TNIK: variants seen among roughly 807,000 people sequenced by gnomAD.
The protein encoded by TNIK is TRAF2 and NCK interacting kinase.
TNIK carries 49 observed loss-of-function variants against 191.3 expected under a neutral mutation model. That is an observed-to-expected ratio of 0.26 (90% CI 0.20 to 0.32). The LOEUF is 0.32. Among genes scored for constraint, TNIK ranks in the 10% least tolerant of loss-of-function variants. The pLI is 1.00. For missense variants in TNIK, 1,155 were observed against 1,702.3 expected (o/e 0.68, Z 5.66); for synonymous variants, 594 against 600.9 (o/e 0.99, Z 0.17).
chr3:171,241,870 A>G (rs981085223), intron 2 of TNIK, among the ~76,000 whole-genome samples: 8 of 152,198 alleles, frequency 5.3e-5, no homozygotes, highest in African/African-American at 1.9e-4. Context: ...CTTTGTAGGG[A>G]CATGGATGAA....
intron 2 of TNIK, among the ~76,000 whole-genome samples, chr3:171,346,416 C>G (rs969998589): frequency 6.6e-6 from 1 of 152,100 alleles, no homozygotes; most frequent in African/African-American, 2.4e-5. Context: ...TTCATATACA[C>G]CTTGCGCATG....
chr3:171,190,015 T>C (rs7374969), intron 6 of TNIK, among the ~76,000 whole-genome samples: 149,197 of 152,318 alleles, frequency 0.98, 73,081 homozygotes, highest in East Asian at 1. Context: ...GGACAGCGAT[T>C]CTTTTCTAGA....
intron 9 of TNIK, among the ~76,000 whole-genome samples, chr3:171,171,612 C>T (rs1270972058): frequency 6.6e-6 from 1 of 152,170 alleles, no homozygotes; most frequent in African/African-American, 2.4e-5. Flanking sequence ...TTAAAGGGCA[C>T]ATGAAAGATT....
Position 171,211,101 on chromosome 3 carries a change from G to C in TNIK, c.306+15C>G. 4 of 1,604,358 alleles carry C rather than the reference G, an allele frequency of 2.5e-6. No individual in the cohort carries two copies. Among genetic ancestry groups the C allele is most frequent in the Non-Finnish European group, 3.4e-6 (4 of 1,177,504 alleles). ...TTTTTATGTAAATAAAGCAAATTTG[G>C]ACGGCAGTACATACCCAAAGTTGGT... is the stretch of plus-strand genomic sequence containing the variant. On this transcript the variant is annotated intron_variant, in intron 4 of 32. Coordinates refer to ENST00000436636, the MANE Select transcript of TNIK (RefSeq NM_015028.4).
At chr3:171,371,689 G>A (rs915888412) in intron 1 of TNIK, among the ~76,000 whole-genome samples, 5 of 152,090 alleles carry the variant, frequency 3.3e-5, no homozygotes, top group African/African-American at 4.8e-5. Flanking sequence ...CCTCAGGATC[G>A]GGAAGAAAAA....
intron 2 of TNIK, among the ~76,000 whole-genome samples, chr3:171,356,471 A>C (rs1011905070): frequency 6.6e-6 from 1 of 152,186 alleles, no homozygotes; most frequent in Non-Finnish European, 1.5e-5. Flanking sequence ...GCCATGAATC[A>C]CCTTTTAGTA....
intron 1 of TNIK, among the ~76,000 whole-genome samples, chr3:171,426,520 G>C (rs556049057): frequency 6.6e-6 from 1 of 151,968 alleles, no homozygotes; most frequent in South Asian, 2.1e-4. Context: ...AAACCTGCAC[G>C]TTGTGCACAT....
At chr3:171,267,030 C>T (rs1748485509) in intron 2 of TNIK, among the ~76,000 whole-genome samples, 1 of 152,162 alleles carries the variant, frequency 6.6e-6, no homozygotes, top group South Asian at 2.1e-4. Context: ...ATTTTTTCCT[C>T]TTGATAAGAA....
chr3:171,135,349 T>A (rs1430674081), intron 15 of TNIK, among the ~76,000 whole-genome samples: 1 of 152,244 alleles, frequency 6.6e-6, no homozygotes. Context: ...GCACTGATTT[T>A]TATTCCTACT....
chr3:171,096,913 T>G (rs1248014359), intron 22 of TNIK, among the ~76,000 whole-genome samples: 1 of 152,238 alleles, frequency 6.6e-6, no homozygotes, highest in Non-Finnish European at 1.5e-5. Flanking sequence ...CTTCTGTGAA[T>G]TGATAAGTAA....
intron 14 of TNIK, 90 bp downstream of exon 14, chr3:171,139,380 A>ATG: frequency 2.1e-6 from 1 of 465,392 alleles, no homozygotes; most frequent in Non-Finnish European, 3.1e-6. Flanking sequence ...GCACGCGCGC[A>ATG]CACACACACA....
At chr3:171,245,898 A>AAGAG (rs754405730) in intron 2 of TNIK, among the ~76,000 whole-genome samples, 7 of 152,156 alleles carry the variant, frequency 4.6e-5, no homozygotes, top group Non-Finnish European at 5.9e-5. Flanking sequence ...TATTGGAAAT[A>AAGAG]AGAGAGAGAG....
chr3:171,347,283 G>GCACA (rs1174891157), intron 2 of TNIK: 21 of 1,482,680 alleles, frequency 1.4e-5, no homozygotes, highest in Non-Finnish European at 1.9e-5. Context: ...AACACATAGA[G>GCACA]CACACTCTCT....
At chr3:171,281,556 A>C (rs1174394521) in intron 2 of TNIK, among the ~76,000 whole-genome samples, 1 of 151,988 alleles carries the variant, frequency 6.6e-6, no homozygotes, top group Non-Finnish European at 1.5e-5. Context: ...AAATAAAGGA[A>C]TACACTGTAC....
intron 2 of TNIK, among the ~76,000 whole-genome samples, chr3:171,364,669 G>C (rs1188593012): frequency 6.6e-6 from 1 of 152,186 alleles, no homozygotes; most frequent in East Asian, 1.9e-4. Flanking sequence ...AATTCAGAGA[G>C]TGGCAATACC....
intron 2 of TNIK, among the ~76,000 whole-genome samples, chr3:171,250,134 A>G (rs1398228578): frequency 1.3e-5 from 2 of 152,178 alleles, no homozygotes; most frequent in East Asian, 3.8e-4. Context: ...TTGATGGCAC[A>G]TGTTCAGGAA....
At chr3:171,084,386 G>T (rs185006787) in intron 25 of TNIK, 61 bp from the exon 26 acceptor site, 6 of 1,525,670 alleles carry the variant, frequency 3.9e-6, no homozygotes, top group African/African-American at 1.4e-5. Context: ...TGGAGATGGG[G>T]CTTCAAAACA....
chr3:171,121,464 T>C (rs7611574), intron 18 of TNIK, among the ~76,000 whole-genome samples: 94,739 of 152,090 alleles, frequency 0.62, 30,789 homozygotes, highest in African/African-American at 0.81. Flanking sequence ...AAAGTACTAG[T>C]GCATTGGAGC....
chr3:171,219,322 A>T (rs1444567866), intron 3 of TNIK, among the ~76,000 whole-genome samples: 1 of 145,474 alleles, frequency 6.9e-6, no homozygotes, highest in African/African-American at 2.5e-5. Context: ...TGATGTGTAT[A>T]TATATAATGA....
Sources: allele counts gnomAD v4.1 joint callset (sites outside exome capture counted in the v4.1 genomes callset), GRCh38; gene constraint gnomAD v4.1.1; transcripts MANE v1.5; gene names NCBI Gene and HGNC (gene_info 2026-07-23, HGNC 2026-07-21).